Variants in SOX6 observed in about 807,000 individuals in gnomAD.
The protein encoded by SOX6 is SRY-box transcription factor 6.
Under a neutral mutation model 97.8 loss-of-function variants are expected in SOX6, and 11 were observed. That is an observed-to-expected ratio of 0.11 (90% confidence interval 0.07 to 0.19). The LOEUF (loss-of-function observed/expected upper bound fraction) is 0.19, where lower values mean the gene tolerates loss of function less well. Among genes scored for constraint, SOX6 ranks in the 10% least tolerant of loss-of-function variants. The pLI is 1.00. For missense variants in SOX6, 810 were observed against 1,039.5 expected, an observed-to-expected ratio of 0.78 and a Z score of 3.04; for synonymous variants, 360 against 371.4, an observed-to-expected ratio of 0.97 and a Z score of 0.35.
intron 4 of SOX6, among the ~76,000 whole-genome samples, chr11:16,519,187 G>A (rs1417388853): frequency 2.0e-5 from 3 of 152,122 alleles, no homozygotes; most frequent in African/African-American, 7.2e-5. Flanking sequence ...ATTTTCAGTG[G>A]CTAGAATAAA....
chr11:16,143,983 A>C (rs1374036297), intron 6 of SOX6, among the ~76,000 whole-genome samples: 1 of 152,208 alleles, frequency 6.6e-6, no homozygotes, highest in Non-Finnish European at 1.5e-5. Flanking sequence ...AATTGAACTC[A>C]GCTCTGCACC....
chr11:16,453,552 T>A (rs1034285888), intron 1 of SOX6, among the ~76,000 whole-genome samples: 1 of 152,140 alleles, frequency 6.6e-6, no homozygotes, highest in African/African-American at 2.4e-5. Context: ...AGATGGTTAA[T>A]CCTCATTAAA....
chr11:16,255,537 T>G (rs2134205819), intron 3 of SOX6, among the ~76,000 whole-genome samples: 1 of 152,096 alleles, frequency 6.6e-6, no homozygotes, highest in Non-Finnish European at 1.5e-5. Flanking sequence ...AGAGAAAATT[T>G]AAAATATTTT....
At chr11:16,395,322 T>A (rs984038553) in intron 1 of SOX6, among the ~76,000 whole-genome samples, 2 of 151,860 alleles carry the variant, frequency 1.3e-5, no homozygotes, top group East Asian at 1.9e-4. Context: ...AGAAACAAGA[T>A]CCTTGCAGGG....
At chr11:16,326,043 G>T (rs722746) in intron 2 of SOX6, among the ~76,000 whole-genome samples, 1 of 151,848 alleles carries the variant, frequency 6.6e-6, no homozygotes, top group South Asian at 2.1e-4. Context: ...AGAAATAAAT[G>T]TCTGTTGTTT....
chr11:15,997,189 T>C (rs995349270), intron 13 of SOX6, among the ~76,000 whole-genome samples: 3 of 152,090 alleles, frequency 2.0e-5, no homozygotes, highest in Non-Finnish European at 4.4e-5. Context: ...CAAGAATAAA[T>C]AAAAAATCTG....
intron 9 of SOX6, among the ~76,000 whole-genome samples, chr11:16,062,918 A>G (rs1445026875): frequency 6.6e-6 from 1 of 151,738 alleles, no homozygotes; most frequent in African/African-American, 2.4e-5. Flanking sequence ...CCAACGAGCT[A>G]AGATCTAGCA....
intron 3 of SOX6, among the ~76,000 whole-genome samples, chr11:16,674,812 G>A (rs1045854203): frequency 7.9e-5 from 12 of 152,132 alleles, no homozygotes; most frequent in East Asian, 1.9e-4. Flanking sequence ...TTAGCCAGGC[G>A]TGGTGGTACA....
chr11:16,146,410 C>T (rs1008805340), intron 6 of SOX6, among the ~76,000 whole-genome samples: 5 of 152,168 alleles, frequency 3.3e-5, no homozygotes, highest in Non-Finnish European at 5.9e-5. Flanking sequence ...TAGAAGAAAA[C>T]CTAGGCAATA....
chr11:16,245,910 T>C (rs192089442), intron 3 of SOX6, among the ~76,000 whole-genome samples: 1 of 151,444 alleles, frequency 6.6e-6, no homozygotes, highest in Non-Finnish European at 1.5e-5. Context: ...AAAATTAGTA[T>C]AATTAGTCCA....
rs1218985241 is a variant in SOX6 at position 16,418,534 on chromosome 11, A to T, written c.-5+57781T>A. 2.6e-5 allele frequency among the ~76,000 whole-genome samples: 4 copies of T among 152,204 alleles called. No individual in the cohort carries two copies. In the East Asian group the frequency reaches 7.7e-4, roughly 29 times the overall value. ...AAAAAGTGCATCTGGAATAAGAGAA[A>T]TGGGAAGAAGTAACAAATGTCTAGC... On this transcript the variant is annotated intron_variant, in intron 1 of 15. Coordinates refer to the SOX6 transcript ENST00000396356.
intron 12 of SOX6, among the ~76,000 whole-genome samples, 165 bp downstream of exon 12, chr11:16,046,349 A>G (rs1855830379): frequency 1.3e-5 from 2 of 152,174 alleles, no homozygotes; most frequent in Admixed American, 1.3e-4. Flanking sequence ...ATCAACAATA[A>G]TGCTTACAGA....
In SOX6 at chr11:16,110,411, A is replaced by T. The variant is rs1424847503; in HGVS notation, c.898+1392T>A. On this transcript the variant is annotated intron_variant, in intron 7 of 15. Coordinates refer to ENST00000683767, the MANE Select transcript of SOX6 (RefSeq NM_001367873.1). ...ACTGAACCACTTCACTAAAAAAAAA[A>T]AAAAATTCTCTGAAAAAATATACTC... 6 of 152,130 alleles carry T rather than the reference A, an allele frequency of 3.9e-5. No individual in the cohort carries two copies. The East Asian group carries it at 1.2e-3, about 29-fold the overall frequency. The allele number at this position is 152,130 out of a possible 1,614,324, so 9.4% of individuals were successfully genotyped here. A position where few individuals can be genotyped will look rare whatever the true frequency, so the allele number is the denominator to read the frequency against.
At chr11:16,351,827 C>T (rs1447754958) in intron 1 of SOX6, among the ~76,000 whole-genome samples, 1 of 152,026 alleles carries the variant, frequency 6.6e-6, no homozygotes, top group Non-Finnish European at 1.5e-5. Flanking sequence ...GATATTACCT[C>T]ACATAATCTT....
chr11:16,576,783 A>G (rs1300180829), intron 4 of SOX6: 1 of 152,214 alleles, frequency 6.6e-6, no homozygotes, highest in African/African-American at 2.4e-5. Flanking sequence ...CCTATATGAT[A>G]TTACAGATAT....
intron 4 of SOX6, among the ~76,000 whole-genome samples, chr11:16,509,943 A>G (rs955400112): frequency 6.6e-6 from 1 of 152,096 alleles, no homozygotes; most frequent in Admixed American, 6.5e-5. Context: ...TTTCATTTTA[A>G]TGCTCTTGAA....
At chr11:16,271,196 T>A (rs1158293270) in intron 3 of SOX6, among the ~76,000 whole-genome samples, 2 of 151,404 alleles carry the variant, frequency 1.3e-5, no homozygotes, top group African/African-American at 4.8e-5. Flanking sequence ...TTAAGGAATA[T>A]CCAAGCTTGC....
At position 16,225,852 on chromosome 11, in the gene SOX6, T is replaced by C. The variant is rs543464061; in HGVS notation, c.535+8730A>G. 1.8e-3 allele frequency among the ~76,000 whole-genome samples: 276 copies of C among 152,312 alleles called. 1 individual carries two copies. Among genetic ancestry groups the C allele is most frequent in the Non-Finnish European group, 2.9e-3 (198 of 68,012 alleles). On this transcript the variant is annotated intron_variant, in intron 4 of 15. Coordinates refer to ENST00000683767, the MANE Select transcript of SOX6 (RefSeq NM_001367873.1). ...CCTCAGTGGCACTTAGTAGCAGTGT[T>C]GTAATAAATTTGCATTTTAATTCAG...
intron 4 of SOX6, among the ~76,000 whole-genome samples, chr11:16,491,202 A>T (rs1860505945): frequency 6.6e-6 from 1 of 152,202 alleles, no homozygotes; most frequent in African/African-American, 2.4e-5. Context: ...TTTATGCAAG[A>T]GCATTGTACA....
Sources: gnomAD v4.1 joint callset for allele counts (sites outside exome capture counted in the v4.1 genomes callset) on GRCh38, gnomAD v4.1.1 for gene constraint, MANE v1.5 for transcripts, NCBI Gene and HGNC (gene_info 2026-07-23, HGNC 2026-07-21) for gene names.